The following TENM1 variants were observed in gnomAD, a reference collection of about 807,000 sequenced individuals.
TENM1 encodes teneurin transmembrane protein 1, also known as teneurin-1.
In TENM1, 35 loss-of-function variants were observed where a neutral mutation model predicts 174.8. The observed-to-expected ratio is 0.20, with a 90% CI of 0.15 to 0.27. The LOEUF (loss-of-function observed/expected upper bound fraction) is 0.27, where lower values mean the gene tolerates loss of function less well. TENM1 is among the 10% of genes least tolerant of loss of function. The pLI is 1.00. For missense variants in TENM1, 1,633 were observed against 2,130.1 expected, an observed-to-expected ratio of 0.77 and a Z score of 4.59; for synonymous variants, 781 against 798.7, an observed-to-expected ratio of 0.98 and a Z score of 0.37.
At chrX:124,979,004 T>C in the TENM1 span, among the ~76,000 whole-genome samples, 26 of 112,258 alleles carry the variant, frequency 2.3e-4, no homozygotes, top group African/African-American at 8.1e-4. Context: ...AGTTTGAGAC[T>C]GTAACATCTA....
At chrX:124,410,271 A>G (rs957010931) in intron 25 of TENM1, among the ~76,000 whole-genome samples, 10 of 112,313 alleles carry the variant, frequency 8.9e-5, no homozygotes, top group Non-Finnish European at 1.3e-4. Flanking sequence ...AAATGGGGAA[A>G]GGATTCCCTA....
chrX:124,465,249 T>C (rs1050830280), intron 22 of TENM1, among the ~76,000 whole-genome samples: 2 of 111,699 alleles, frequency 1.8e-5, no homozygotes, highest in African/African-American at 6.5e-5. Context: ...TATGTTTTGG[T>C]TTTATTACTT....
chrX:125,171,519 G>A, the TENM1 span, among the ~76,000 whole-genome samples: 1 of 110,624 alleles, frequency 9.0e-6, no homozygotes, highest in Non-Finnish European at 1.9e-5. Context: ...AGGAGGTAGA[G>A]CCTTCAGGAG....
chrX:124,573,513 G>C (rs947755853), intron 11 of TENM1, among the ~76,000 whole-genome samples: 5 of 111,684 alleles, frequency 4.5e-5, no homozygotes, highest in African/African-American at 1.6e-4. Context: ...AAAAGAAAAA[G>C]AGAATCAGTA....
intron 15 of TENM1, among the ~76,000 whole-genome samples, chrX:124,537,921 T>C (rs140621509): frequency 4.1e-4 from 46 of 112,243 alleles, no homozygotes; most frequent in African/African-American, 1.3e-3. Flanking sequence ...GTATCATTAA[T>C]TATAACTGTT....
intron 3 of TENM1, among the ~76,000 whole-genome samples, chrX:124,801,019 T>C (rs1480246085): frequency 1.8e-5 from 2 of 111,790 alleles, no homozygotes; most frequent in Non-Finnish European, 3.8e-5. Context: ...CTTCTAATTA[T>C]GTGGTTGATT....
At position 124,895,524 on chromosome X, in the gene TENM1, C is replaced by G. The variant is rs376010843; in HGVS notation, c.478+457G>C. On this transcript the variant is annotated intron_variant, in intron 2 of 31. Coordinates refer to ENST00000422452, the Ensembl canonical transcript of TENM1. ...ACTTCAGTCCAACCTGGTTAATTTG[C>G]GTTTGTACATTCAACAGGTTAATCT... 2.7e-5 allele frequency among the ~76,000 whole-genome samples: 3 copies of G among 111,638 alleles called. No homozygotes were observed. The East Asian group carries it at 8.4e-4, about 31-fold the overall frequency.
intron 1 of TENM1, among the ~76,000 whole-genome samples, chrX:124,941,628 T>G (rs2058328341): frequency 8.9e-6 from 1 of 112,198 alleles, no homozygotes; most frequent in South Asian, 3.7e-4. Context: ...CTGGAGAAAC[T>G]ACAGCCCTGT....
At chrX:124,770,385 A>G (rs957868718) in intron 3 of TENM1, among the ~76,000 whole-genome samples, 7 of 111,433 alleles carry the variant, frequency 6.3e-5, no homozygotes, top group African/African-American at 2.3e-4. Flanking sequence ...CACAAAGCAT[A>G]GTATATTATA....
At chrX:124,407,689 G>T (rs1295560548) in intron 25 of TENM1, among the ~76,000 whole-genome samples, 1 of 112,771 alleles carries the variant, frequency 8.9e-6, no homozygotes, top group Non-Finnish European at 1.9e-5. Context: ...ACTTGAACTT[G>T]AGCCTATACA....
exon 1 of TENM1, chrX:124,963,748 C>T: frequency 1.7e-6 from 2 of 1,208,305 alleles, no homozygotes; most frequent in Non-Finnish European, 2.2e-6. Flanking sequence ...AGTCAGTTTG[C>T]TCCATCTCTG....
intron 1 of TENM1, among the ~76,000 whole-genome samples, chrX:124,949,893 T>G (rs767267225): frequency 1.8e-5 from 2 of 111,549 alleles, no homozygotes; most frequent in Admixed American, 1.9e-4. Context: ...GGTTTAGTAT[T>G]TTATTGAGGC....
rs1043481934 is a variant in TENM1, at chrX:124,541,535, T to C, written c.2651+5339A>G. ...GAGGCATCACCAGAAGCTGAGCAGA[T>C]GCCAGCATCATGCTTCCTGTAAAGC... is the stretch of plus-strand genomic sequence containing the variant. On this transcript the variant is annotated intron_variant, in intron 15 of 31. Coordinates refer to ENST00000422452, the Ensembl canonical transcript of TENM1. Among the ~76,000 whole-genome samples, 4 of 112,405 alleles carry C rather than the reference T, an allele frequency of 3.6e-5. No individual in the cohort carries two copies. In the East Asian group the frequency reaches 1.1e-3, roughly 31 times the overall value.
the TENM1 span, among the ~76,000 whole-genome samples, chrX:125,001,922 A>AGATCAC: frequency 3.9e-5 from 3 of 76,737 alleles, no homozygotes; most frequent in Non-Finnish European, 7.3e-5. Context: ...CTGTCTAGAG[A>AGATCAC]GATCACACAC....
Position 124,717,154 on chromosome X carries a change from C to G in TENM1, c.777-11903G>C, listed in dbSNP as rs185815339. Among the ~76,000 whole-genome samples, 3 of 111,651 alleles carry G rather than the reference C, an allele frequency of 2.7e-5. No individual in the cohort carries two copies. In the Admixed American group the frequency reaches 2.9e-4, roughly 11 times the overall value. On this transcript the variant is annotated intron_variant, in intron 4 of 31. Transcript: ENST00000422452. ...GTTGCTACGGACCCATATGGATATG[C>G]TGCTGGTCAGGGTAACTCAGATCTC...
chrX:124,744,859 G>A (rs750321275), intron 3 of TENM1, among the ~76,000 whole-genome samples: 1 of 111,588 alleles, frequency 9.0e-6, no homozygotes, highest in South Asian at 3.7e-4. Context: ...TGGTCACCCT[G>A]TATTTGTTCA....
chrX:125,186,545 C>T, the TENM1 span, among the ~76,000 whole-genome samples: 1 of 107,889 alleles, frequency 9.3e-6, no homozygotes, highest in African/African-American at 3.4e-5. Flanking sequence ...CAAGTAAGTT[C>T]TCACTCTTAG....
the TENM1 span, among the ~76,000 whole-genome samples, chrX:125,188,826 T>C: frequency 5.3e-5 from 6 of 112,232 alleles, no homozygotes; most frequent in Non-Finnish European, 1.1e-4. Context: ...TTTTCATCAC[T>C]GTTAATGTTG....
intron 17 of TENM1, 107 bp downstream of exon 20, chrX:124,523,257 A>G: frequency 1.2e-6 from 1 of 848,379 alleles, no homozygotes; most frequent in Non-Finnish European, 1.7e-6. Flanking sequence ...AAAGGGCAGC[A>G]CATTATAAGG....
Sources: allele counts gnomAD v4.1 joint callset (sites outside exome capture counted in the v4.1 genomes callset), GRCh38; gene constraint gnomAD v4.1.1; transcripts MANE v1.5; gene names NCBI Gene and HGNC (gene_info 2026-07-23, HGNC 2026-07-21).